The following AGAP1 variants were observed in gnomAD, a reference collection of about 807,000 sequenced individuals.
The protein encoded by AGAP1 is arf-GAP with GTPase, ANK repeat and PH domain-containing protein 1.
AGAP1 carries 29 observed loss-of-function variants against 105.3 expected under a neutral mutation model. That is an observed-to-expected ratio of 0.28 (90% CI 0.21 to 0.38). The LOEUF (loss-of-function observed/expected upper bound fraction) is 0.38. Among genes scored for constraint, AGAP1 ranks in the 10% least tolerant of loss-of-function variants. The pLI, the probability that AGAP1 is intolerant of heterozygous loss-of-function variation, is 1.00. For synonymous variants in AGAP1, 509 were observed against 485.9 expected, an observed-to-expected ratio of 1.05 and a Z score of -0.63; for missense variants, 998 against 1,165.1, an observed-to-expected ratio of 0.86 and a Z score of 2.09.
At position 235,896,412 on chromosome 2, in the gene AGAP1, A is replaced by ACT. The variant is rs1414485996; in HGVS notation, c.1156-12323_1156-12322dup. Among the ~76,000 whole-genome samples, 12 of 152,240 alleles carry ACT rather than the reference A, an allele frequency of 7.9e-5. No homozygotes were observed. The South Asian group carries it at 2.1e-3, about 26-fold the overall frequency. Reference sequence around the variant, plus strand: ...TGCTAGGAATGTGAGCATACAGATAACTCTTCAGAGCTTGGGTTTTAAATG... The same window carrying ACT: ...TGCTAGGAATGTGAGCATACAGATAACTCTCTTCAGAGCTTGGGTTTTAAATG... On this transcript the variant is annotated intron_variant, in intron 10 of 17. Transcript: ENST00000304032.
At chr2:235,823,703 T>C (rs948601482) in intron 9 of AGAP1, among the ~76,000 whole-genome samples, 5 of 152,236 alleles carry the variant, frequency 3.3e-5, no homozygotes, top group Non-Finnish European at 7.3e-5. Flanking sequence ...ATATTTTTAT[T>C]GTATTGCGAC....
Position 235,557,585 on chromosome 2 carries a change from T to G in AGAP1, c.163+62736T>G, listed in dbSNP as rs543335035. On this transcript the variant is annotated intron_variant, in intron 1 of 17. Coordinates refer to ENST00000304032, the MANE Select transcript of AGAP1 (RefSeq NM_001037131.3). The surrounding 1 kb of genome is among the most constrained non-coding windows in gnomAD (Gnocchi z 4.7). ...GCCTTTTTTTCTGTGCCAATAACTC[T>G]CAGTGCTTAACCTGAAGAAGCCCAC... Among the ~76,000 whole-genome samples the G allele has an allele frequency of 2.6e-5, 4 of 152,190 alleles. No homozygotes were observed. Among genetic ancestry groups the G allele is most frequent in the African/African-American group, 4.8e-5 (2 of 41,432 alleles).
At chr2:235,613,534 C>T (rs1312667750) in intron 1 of AGAP1, among the ~76,000 whole-genome samples, 8 of 152,122 alleles carry the variant, frequency 5.3e-5, no homozygotes, top group Admixed American at 5.2e-4. Flanking sequence ...TCTTCATTCT[C>T]CTTAAGGAGA....
chr2:235,605,623 A>G (rs1945905262), intron 1 of AGAP1, among the ~76,000 whole-genome samples: 1 of 152,244 alleles, frequency 6.6e-6, no homozygotes, highest in African/African-American at 2.4e-5. Context: ...AAGGAAAGCG[A>G]TATTTAAGAA....
Position 235,551,168 on chromosome 2 carries a change from G to A in AGAP1, c.163+56319G>A, listed in dbSNP as rs1479529811. Among the ~76,000 whole-genome samples, 1 of 152,202 alleles carries A rather than the reference G, an allele frequency of 6.6e-6. No homozygotes were observed. Among genetic ancestry groups the A allele is most frequent in the Non-Finnish European group, 1.5e-5 (1 of 68,044 alleles). ...TCCCTGGCCACCTCCAGTGGTGTGA[G>A]TTGGTTGCTTGATGTCATCTGAGGT... is the stretch of plus-strand genomic sequence containing the variant. On this transcript the variant is annotated intron_variant, in intron 1 of 17. Transcript: ENST00000304032. The surrounding 1 kb of genome is among the most constrained non-coding windows in gnomAD (Gnocchi z 4.8).
At chr2:235,707,931 C>A (rs1950636570) in intron 1 of AGAP1, among the ~76,000 whole-genome samples, 1 of 151,756 alleles carries the variant, frequency 6.6e-6, no homozygotes, top group Non-Finnish European at 1.5e-5. Context: ...GGTTGTGCTT[C>A]CCAATCATGT....
In AGAP1 at chr2:235,905,809, T is replaced by G. The variant is rs1030763893; in HGVS notation, c.1156-2929T>G. ...CCACCGCGCCCCGCCTGATGTGCTT[T>G]TCATTTGTCACCCTCAACACAGCGC... On this transcript the variant is annotated intron_variant, in intron 10 of 17. Coordinates refer to ENST00000304032, the MANE Select transcript of AGAP1 (RefSeq NM_001037131.3). The surrounding 1 kb of genome is among the most constrained non-coding windows in gnomAD (Gnocchi z 4.2). Among the ~76,000 whole-genome samples the G allele has an allele frequency of 2.6e-5, 4 of 152,206 alleles. No homozygotes were observed. The highest frequency in any genetic ancestry group is 5.9e-5 in the Non-Finnish European group (4 of 68,030).
intron 1 of AGAP1, among the ~76,000 whole-genome samples, chr2:235,629,863 C>CAAAAAAAAAAAAAA (rs10691632): frequency 1.0e-5 from 1 of 95,678 alleles, no homozygotes; most frequent in Non-Finnish European, 2.0e-5. Context: ...GACCCTGTCT[C>CAAAAAAAAAAAAAA]AAAAAAAAAA....
rs2049625696 is a variant in AGAP1, at chr2:235,874,749, A to G, written c.1051-8596A>G. Among the ~76,000 whole-genome samples the G allele has an allele frequency of 6.6e-6, 1 of 152,198 alleles. No individual in the cohort carries two copies. Among genetic ancestry groups the G allele is most frequent in the African/African-American group, 2.4e-5 (1 of 41,454 alleles). ...TGTGAATGTGAAAGAGAAGGCACTC[A>G]TGTATAGAACTCATTACAAAGATAG... On this transcript the variant is annotated intron_variant, in intron 9 of 17. Coordinates refer to ENST00000304032, the MANE Select transcript of AGAP1 (RefSeq NM_001037131.3). The surrounding 1 kb of genome is among the most constrained non-coding windows in gnomAD (Gnocchi z 4.5).
intron 11 of AGAP1, among the ~76,000 whole-genome samples, chr2:235,929,183 T>G (rs189932491): frequency 1.3e-5 from 2 of 152,094 alleles, no homozygotes; most frequent in Non-Finnish European, 1.5e-5. Flanking sequence ...GTGGTGGAGT[T>G]TTGATTGTGA....
chr2:235,849,246 G>A (rs1252269484), intron 9 of AGAP1, among the ~76,000 whole-genome samples: 1 of 152,202 alleles, frequency 6.6e-6, no homozygotes, highest in East Asian at 1.9e-4. Context: ...AGAAAAGGAC[G>A]AGGTCCAACT....
chr2:235,717,527 A>T (rs149691203), intron 2 of AGAP1, 30 bp from the exon 3 acceptor site: 20 of 1,558,256 alleles, frequency 1.3e-5, no homozygotes, highest in Admixed American at 4.3e-5. Context: ...TGATTTGATG[A>T]TGCTTAACGG....
At chr2:235,731,773 GC>G (rs1280307160) in intron 3 of AGAP1, among the ~76,000 whole-genome samples, 2 of 152,114 alleles carry the variant, frequency 1.3e-5, no homozygotes, top group Non-Finnish European at 2.9e-5. Context: ...GGCACCAGAG[GC>G]CACAAAAGCT....
In AGAP1 at chr2:236,016,408, T is replaced by C. The variant is rs2056705223; in HGVS notation, c.1646-20153T>C. ...TTTTTTTTTTTTTTTTTTGTATGCA[T>C]GTGGGTTTGTCGCAACAAATTTGTT... On this transcript the variant is annotated intron_variant, in intron 13 of 17. Transcript: ENST00000304032. Among the ~76,000 whole-genome samples the C allele has an allele frequency of 2.8e-5, 4 of 143,046 alleles. 1 individual carries two copies. The South Asian group carries it at 8.9e-4, about 32-fold the overall frequency. 93.8% of individuals were successfully genotyped at this position (143,046 alleles called of 152,430 possible). A position where few individuals can be genotyped will look rare whatever the true frequency, so the allele number is the denominator to read the frequency against.
At chr2:235,857,431 T>G (rs1337969540) in intron 9 of AGAP1, among the ~76,000 whole-genome samples, 1 of 152,088 alleles carries the variant, frequency 6.6e-6, no homozygotes, top group Non-Finnish European at 1.5e-5. Context: ...TTGACGAGCG[T>G]CCCCAAGGAG....
intron 10 of AGAP1, among the ~76,000 whole-genome samples, chr2:235,894,628 C>T (rs2050713446): frequency 8.9e-6 from 1 of 112,152 alleles, no homozygotes; most frequent in African/African-American, 3.1e-5. Context: ...CATACACATG[C>T]ACATGTACAC....
intron 5 of AGAP1, among the ~76,000 whole-genome samples, chr2:235,748,213 C>T (rs572451919): frequency 5.9e-5 from 9 of 152,286 alleles, no homozygotes; most frequent in Admixed American, 1.3e-4. Context: ...CAGAGATTCC[C>T]GTGGTGCACC....
intron 11 of AGAP1, among the ~76,000 whole-genome samples, chr2:235,915,810 G>T (rs1054757694): frequency 7.9e-5 from 12 of 152,200 alleles, no homozygotes; most frequent in African/African-American, 2.9e-4. Flanking sequence ...TGTAACAGAA[G>T]AATATATGCT....
At position 235,712,032 on chromosome 2, in the gene AGAP1, CT is replaced by C. The variant is rs900848527; in HGVS notation, c.222+2805del. On this transcript the variant is annotated intron_variant, in intron 2 of 17. Coordinates refer to ENST00000304032, the MANE Select transcript of AGAP1 (RefSeq NM_001037131.3). The surrounding 1 kb of genome is among the most constrained non-coding windows in gnomAD (Gnocchi z 6.0). ...GCCTTATGTTTTATTTTCTTTCTTT[CT>C]TTTTTTTTTGTTACGGGGTCTCACT... is the stretch of plus-strand genomic sequence containing the variant. Among the ~76,000 whole-genome samples, 59 of 149,052 alleles carry C rather than the reference CT, an allele frequency of 4.0e-4. No individual in the cohort carries two copies. Among genetic ancestry groups the C allele is most frequent in the Non-Finnish European group, 6.9e-4 (46 of 67,046 alleles).
Sources: allele counts gnomAD v4.1 joint callset (sites outside exome capture counted in the v4.1 genomes callset), GRCh38; gene constraint gnomAD v4.1.1; non-coding constraint Gnocchi (gnomAD v3.1); transcripts MANE v1.5; gene names NCBI Gene and HGNC (gene_info 2026-07-23, HGNC 2026-07-21).